Variants in TCF12 observed in about 807,000 individuals in gnomAD.
The protein encoded by TCF12 is transcription factor 12.
Under a neutral mutation model 86.0 loss-of-function variants are expected in TCF12, and 45 were observed. The observed-to-expected ratio is 0.52, with a 90% CI of 0.41 to 0.67. The LOEUF is 0.67. TCF12 is among the 30% of genes least tolerant of loss of function. TCF12 has a pLI of 0.00. For missense variants in TCF12, 881 were observed against 859.9 expected (o/e 1.02, Z -0.31); for synonymous variants, 330 against 299.6 (o/e 1.10, Z -1.05).
chr15:57,181,134 T>A (rs2056321470), intron 6 of TCF12, among the ~76,000 whole-genome samples: 2 of 152,108 alleles, frequency 1.3e-5, no homozygotes, highest in Admixed American at 6.5e-5. Flanking sequence ...ATTTTTGACC[T>A]ACGGTTAATT....
intron 8 of TCF12, 93 bp from the exon 9 acceptor site, chr15:57,231,059 C>T: frequency 5.6e-6 from 5 of 898,490 alleles, no homozygotes; most frequent in East Asian, 2.6e-5. Flanking sequence ...TTAGATAGGC[C>T]TTTTTAAGCC....
intron 8 of TCF12, among the ~76,000 whole-genome samples, chr15:57,206,924 C>G (rs2057846708): frequency 8.8e-6 from 1 of 114,200 alleles, no homozygotes; most frequent in Non-Finnish European, 1.8e-5. Context: ...GACCCTGTCT[C>G]TACAGAAAAA....
chr15:57,096,597 T>G (rs2049340439), intron 5 of TCF12, among the ~76,000 whole-genome samples: 1 of 152,158 alleles, frequency 6.6e-6, no homozygotes, highest in Non-Finnish European at 1.5e-5. Context: ...ATCTATAACT[T>G]ACATATAATA....
intron 8 of TCF12, among the ~76,000 whole-genome samples, chr15:57,210,293 C>G (rs1025311563): frequency 1.3e-5 from 2 of 151,060 alleles, no homozygotes; most frequent in Non-Finnish European, 1.5e-5. Context: ...TTAGCTGACT[C>G]AGACAAGGTA....
intron 4 of TCF12, among the ~76,000 whole-genome samples, chr15:57,078,901 C>A (rs764947505): frequency 6.6e-6 from 1 of 152,140 alleles, no homozygotes; most frequent in Non-Finnish European, 1.5e-5. Context: ...TCACAATTAG[C>A]TTTAGTTTCC....
chr15:56,955,696 ATG>A (rs2061481587), intron 3 of TCF12, among the ~76,000 whole-genome samples: 1 of 152,198 alleles, frequency 6.6e-6, no homozygotes, highest in African/African-American at 2.4e-5. Context: ...GAACTTGAAA[ATG>A]TGTGTGTCTT....
intron 3 of TCF12, among the ~76,000 whole-genome samples, chr15:57,008,022 A>G (rs1332711902): frequency 1.3e-5 from 2 of 149,424 alleles, no homozygotes; most frequent in East Asian, 3.9e-4. Context: ...TGGCATGATC[A>G]TGATCATAGC....
intron 3 of TCF12, among the ~76,000 whole-genome samples, chr15:56,999,535 C>G (rs1957939315): frequency 6.6e-6 from 1 of 152,100 alleles, no homozygotes; most frequent in Non-Finnish European, 1.5e-5. Flanking sequence ...ACTACCAAAA[C>G]TCACCTAAGA....
At chr15:57,251,079 ACTAAGT>A in intron 13 of TCF12, 1 of 335,406 alleles carries the variant, frequency 3.0e-6, no homozygotes, top group South Asian at 4.7e-5. Context: ...AGGCATGTGG[ACTAAGT>A]CTAAAGAATG....
intron 18 of TCF12, among the ~76,000 whole-genome samples, chr15:57,263,882 C>T (rs2060706883): frequency 1.3e-5 from 2 of 151,988 alleles, no homozygotes; most frequent in South Asian, 4.2e-4. Context: ...CCGTATAGGC[C>T]ACTTATCATG....
At chr15:57,075,282 C>T (rs757525667) in intron 4 of TCF12, among the ~76,000 whole-genome samples, 2 of 152,204 alleles carry the variant, frequency 1.3e-5, no homozygotes, top group East Asian at 1.9e-4. Flanking sequence ...TTTTGCCTTA[C>T]TTCCTTAGAT....
At chr15:57,124,415 C>A (rs2051478517) in intron 5 of TCF12, among the ~76,000 whole-genome samples, 1 of 152,128 alleles carries the variant, frequency 6.6e-6, no homozygotes, top group Non-Finnish European at 1.5e-5. Context: ...GCTCCATCAT[C>A]CCCTGTAGAA....
chr15:57,169,950 A>G (rs899733548), intron 6 of TCF12, among the ~76,000 whole-genome samples: 3 of 152,202 alleles, frequency 2.0e-5, no homozygotes, highest in Admixed American at 6.5e-5. Context: ...TCATATCAAA[A>G]GACATTTATT....
At chr15:57,035,218 A>C (rs1233428504) in intron 3 of TCF12, among the ~76,000 whole-genome samples, 1 of 152,206 alleles carries the variant, frequency 6.6e-6, no homozygotes, top group African/African-American at 2.4e-5. Context: ...TTCGGGGTTT[A>C]AACTTCCAAA....
intron 3 of TCF12, among the ~76,000 whole-genome samples, chr15:56,960,115 A>C (rs2061677949): frequency 1.3e-5 from 2 of 152,204 alleles, no homozygotes; most frequent in Non-Finnish European, 2.9e-5. Context: ...TCGTCAAATA[A>C]GTAATTTATT....
At chr15:57,117,357 A>T (rs1453681628) in intron 5 of TCF12, among the ~76,000 whole-genome samples, 3 of 152,184 alleles carry the variant, frequency 2.0e-5, no homozygotes, top group Non-Finnish European at 2.9e-5. Context: ...AAAACCCAAT[A>T]AAAGAGGTAG....
At chr15:57,024,220 T>TTTTTTTTTTTTTTTTA (rs2065680469) in intron 3 of TCF12, among the ~76,000 whole-genome samples, 1 of 75,460 alleles carries the variant, frequency 1.3e-5, no homozygotes, top group African/African-American at 1.3e-4. Context: ...AAGTGTCTTT[T>TTTTTTTTTTTTTTTTA]TTTTTTTTTT....
At chr15:56,996,429 A>C (rs2063716862) in intron 3 of TCF12, among the ~76,000 whole-genome samples, 1 of 152,214 alleles carries the variant, frequency 6.6e-6, no homozygotes, top group Non-Finnish European at 1.5e-5. Context: ...TGCTTTTAAT[A>C]ACTGGCTATC....
rs932632449 is a variant in TCF12 at position 57,228,629 on chromosome 15, T to A, written c.580-2523T>A. 1.1e-4 allele frequency among the ~76,000 whole-genome samples: 16 copies of A among 152,170 alleles called. No homozygotes were observed. The East Asian group carries it at 3.1e-3, about 29-fold the overall frequency. ...GTTTTCTTGCTCTCCATGACAACCG[T>A]GAATAAACCATTTTCTGATCAGCAT... On this transcript the variant is annotated intron_variant, in intron 8 of 20. Transcript: ENST00000333725.
Sources: allele counts gnomAD v4.1 joint callset (sites outside exome capture counted in the v4.1 genomes callset), GRCh38; gene constraint gnomAD v4.1.1; transcripts MANE v1.5; gene names NCBI Gene and HGNC (gene_info 2026-07-23, HGNC 2026-07-21).